Variants in FOCAD observed in about 807,000 individuals in gnomAD.
FOCAD encodes the protein focadhesin, also known as KIAA1797.
Under a neutral mutation model 225.6 loss-of-function variants are expected in FOCAD, and 198 were observed. That is an observed-to-expected ratio of 0.88 (90% CI 0.78 to 0.99). FOCAD has a LOEUF of 0.99. Ranked by LOEUF, FOCAD falls within the 50% of genes least tolerant of loss-of-function variation. FOCAD has a pLI of 0.00. For synonymous variants in FOCAD, 897 were observed against 755.0 expected, an observed-to-expected ratio of 1.19 and a Z score of -3.08; for missense variants, 2,713 against 2,123.6, an observed-to-expected ratio of 1.28 and a Z score of -5.46.
At chr9:20,665,856 C>T (rs915563969) in intron 2 of FOCAD, among the ~76,000 whole-genome samples, 17 of 151,942 alleles carry the variant, frequency 1.1e-4, no homozygotes, top group East Asian at 1.9e-4. Context: ...CATGGTGAAA[C>T]CCTGTCTCTA....
chr9:20,684,128 G>C (rs1642959632), upstream of FOCAD: 1 of 152,294 alleles, frequency 6.6e-6, no homozygotes, highest in South Asian at 2.1e-4. Flanking sequence ...AGACGCGCGT[G>C]CGCGCGAGCC....
chr9:20,849,103 T>G (rs1157859155), intron 15 of FOCAD, among the ~76,000 whole-genome samples: 2 of 151,972 alleles, frequency 1.3e-5, no homozygotes, highest in East Asian at 1.9e-4. Flanking sequence ...AAGGATTTTA[T>G]TAATGGCCAA....
intron 15 of FOCAD, among the ~76,000 whole-genome samples, chr9:20,851,515 C>T (rs987530680): frequency 1.3e-5 from 2 of 151,812 alleles, no homozygotes. Flanking sequence ...ATTGCTGTCA[C>T]ATTTCTAATT....
At chr9:20,704,953 C>T (rs1382633301) in intron 1 of FOCAD, among the ~76,000 whole-genome samples, 1 of 152,126 alleles carries the variant, frequency 6.6e-6, no homozygotes. Context: ...TGGTACATTC[C>T]GGGCTTTTCT....
intron 1 of FOCAD, among the ~76,000 whole-genome samples, chr9:20,695,520 C>G (rs189284684): frequency 3.9e-5 from 6 of 151,992 alleles, no homozygotes; most frequent in Admixed American, 3.9e-4. Context: ...CAGTTTTTTC[C>G]CTGTCCCCTC....
At chr9:20,780,242 C>T (rs1177934629) in intron 9 of FOCAD, among the ~76,000 whole-genome samples, 2 of 152,178 alleles carry the variant, frequency 1.3e-5, no homozygotes, top group Admixed American at 6.5e-5. Context: ...AAATACTAAT[C>T]TGCTTTTTGT....
At chr9:20,727,590 C>G (rs1402811002) in intron 4 of FOCAD, among the ~76,000 whole-genome samples, 1 of 151,982 alleles carries the variant, frequency 6.6e-6, no homozygotes, top group Admixed American at 6.5e-5. Flanking sequence ...TTTATTTTGT[C>G]CGTGTCTTCT....
At chr9:20,756,919 T>C (rs993150531) in intron 5 of FOCAD, among the ~76,000 whole-genome samples, 18 of 152,242 alleles carry the variant, frequency 1.2e-4, no homozygotes, top group Admixed American at 3.3e-4. Flanking sequence ...TGCATGTTTT[T>C]ACAATGAGCA....
At chr9:20,931,999 A>G (rs1348094925) in intron 27 of FOCAD, among the ~76,000 whole-genome samples, 1 of 151,986 alleles carries the variant, frequency 6.6e-6, no homozygotes, top group African/African-American at 2.4e-5. Flanking sequence ...TCCATCTAAA[A>G]TTTATTCAGA....
In FOCAD at chr9:20,966,896, A is replaced by G. The variant is rs180848807; in HGVS notation, c.4133-9524A>G. On this transcript the variant is annotated intron_variant, in intron 35 of 43. Transcript: ENST00000338382. The stretch of plus-strand genomic sequence containing the variant: ...TGCACTGGTCTATATGTCTGTCTTT[A>G]TATGTACTAATACCACGCTGTTTTG... Among the ~76,000 whole-genome samples the G allele has an allele frequency of 2.7e-3, 414 of 152,214 alleles. 1 individual carries two copies. The highest frequency in any genetic ancestry group is 0.017 in the Middle Eastern group (5 of 294).
Position 20,781,798 on chromosome 9 carries a change from C to A in FOCAD, c.1066C>A (p.Leu356Met). The A allele has an allele frequency of 6.2e-7, 1 of 1,614,110 alleles. No homozygotes were observed. ...KSSLLLVMPI[L>M]QILSSTALED... ...CTCTCTGCTGCTAGTGATGCCAATT[C>A]TGCAGATACTATCTTCTACTGCCTT... The change falls in exon 10 of 44, where the codon CTG becomes ATG. Residue 356 changes from leucine to methionine, a missense_variant. By Grantham distance (15) the Leu-to-Met change is conservative. Coordinates refer to ENST00000338382, the MANE Select transcript of FOCAD (RefSeq NM_001375567.1).
chr9:20,842,165 A>G (rs1826602275), intron 15 of FOCAD, among the ~76,000 whole-genome samples: 1 of 151,690 alleles, frequency 6.6e-6, no homozygotes, highest in South Asian at 2.1e-4. Flanking sequence ...TTGTGGCCTA[A>G]CCTTTGGTCT....
rs563568550 is a variant in FOCAD at position 20,946,584 on chromosome 9, G to A, written c.3556-117G>A. On this transcript the variant is annotated intron_variant, in intron 29 of 43. Coordinates refer to ENST00000338382, the MANE Select transcript of FOCAD (RefSeq NM_001375567.1). ...AAACAGTGCCCAATCCATGGTAAAT[G>A]TATGTGAATCCAATTCTTACTCTGG... 11 of 1,104,880 alleles carry A rather than the reference G, an allele frequency of 1.0e-5. No homozygotes were observed. The South Asian group carries it at 1.4e-4, about 14-fold the overall frequency. The allele number at this position is 1,104,880 out of a possible 1,614,324, so 68.4% of individuals were successfully genotyped here. A position where few individuals can be genotyped will look rare whatever the true frequency, so the allele number is the denominator to read the frequency against.
intron 15 of FOCAD, among the ~76,000 whole-genome samples, chr9:20,856,653 G>T (rs949529490): frequency 6.6e-6 from 1 of 151,926 alleles, no homozygotes; most frequent in Non-Finnish European, 1.5e-5. Flanking sequence ...TATTACTCAA[G>T]AAATCTTTGT....
chr9:20,751,019 A>C (rs965658282), intron 5 of FOCAD, among the ~76,000 whole-genome samples: 12 of 152,078 alleles, frequency 7.9e-5, no homozygotes, highest in African/African-American at 2.2e-4. Flanking sequence ...TGGTGAAGAA[A>C]CTTTGGCCAA....
chr9:20,727,190 T>A (rs2131585902), intron 4 of FOCAD, among the ~76,000 whole-genome samples: 1 of 152,242 alleles, frequency 6.6e-6, no homozygotes, highest in Admixed American at 6.5e-5. Context: ...TCCTTTTTTT[T>A]CCCCCTTGAA....
At chr9:20,760,184 T>A (rs1171747364) in intron 6 of FOCAD, among the ~76,000 whole-genome samples, 1 of 152,340 alleles carries the variant, frequency 6.6e-6, no homozygotes, top group East Asian at 1.9e-4. Context: ...ATTCCCATGC[T>A]TAAGTCTCTG....
intron 11 of FOCAD, among the ~76,000 whole-genome samples, chr9:20,819,249 T>C (rs1375807679): frequency 6.6e-6 from 1 of 152,190 alleles, no homozygotes; most frequent in Non-Finnish European, 1.5e-5. Flanking sequence ...GGTCTTGCTC[T>C]GTCATCTAGG....
At chr9:20,888,869 G>C (rs963250620) in intron 21 of FOCAD, among the ~76,000 whole-genome samples, 2 of 152,114 alleles carry the variant, frequency 1.3e-5, no homozygotes, top group African/African-American at 4.8e-5. Flanking sequence ...ATGATTTTGA[G>C]GCCTCTGCAG....
Sources: allele counts gnomAD v4.1 joint callset (sites outside exome capture counted in the v4.1 genomes callset), GRCh38; gene constraint gnomAD v4.1.1; transcripts MANE v1.5; gene names NCBI Gene and HGNC (gene_info 2026-07-23, HGNC 2026-07-21).